The following DMD variants were observed in gnomAD, a reference collection of about 807,000 sequenced individuals.
DMD encodes the protein dystrophin.
In DMD, 63 loss-of-function variants were observed where a neutral mutation model predicts 330.1. That is an observed-to-expected ratio of 0.19 (90% CI 0.16 to 0.24). The LOEUF (loss-of-function observed/expected upper bound fraction) is 0.24, where lower values mean the gene tolerates loss of function less well. DMD is among the 10% of genes least tolerant of loss of function. The pLI, the probability that DMD is intolerant of heterozygous loss-of-function variation, is 1.00. For missense variants in DMD, 3,344 were observed against 2,684.1 expected, an observed-to-expected ratio of 1.25 and a Z score of -5.43; for synonymous variants, 1,223 against 959.8, an observed-to-expected ratio of 1.27 and a Z score of -5.07.
At chrX:31,834,405 C>T (rs2093144451) in intron 49 of DMD, among the ~76,000 whole-genome samples, 1 of 111,585 alleles carries the variant, frequency 9.0e-6, no homozygotes, top group Admixed American at 9.6e-5. Context: ...CCCCATAATT[C>T]TCAAATCATT....
At chrX:32,718,585 C>CT (rs2065955070) in intron 7 of DMD, among the ~76,000 whole-genome samples, 2 of 112,022 alleles carry the variant, frequency 1.8e-5, no homozygotes, top group South Asian at 7.4e-4. Context: ...TAGTAAGAAC[C>CT]TTTCTCAGGA....
At chrX:32,753,883 C>A (rs2071146759) in intron 7 of DMD, among the ~76,000 whole-genome samples, 1 of 111,317 alleles carries the variant, frequency 9.0e-6, no homozygotes, top group East Asian at 2.8e-4. Context: ...CATAACAAGC[C>A]ATTGAAAATA....
intron 50 of DMD, among the ~76,000 whole-genome samples, chrX:31,796,052 G>A (rs1373617335): frequency 8.9e-6 from 1 of 111,858 alleles, no homozygotes; most frequent in East Asian, 2.8e-4. Context: ...CCAAATCCAT[G>A]AACGGCCTTG....
chrX:32,794,594 C>CA (rs1450713300), intron 7 of DMD, among the ~76,000 whole-genome samples: 2 of 110,241 alleles, frequency 1.8e-5, no homozygotes, highest in African/African-American at 6.6e-5. Flanking sequence ...ATCTCAAAAA[C>CA]AAAAAACCAA....
At chrX:31,257,976 C>T (rs759913678) in intron 63 of DMD, among the ~76,000 whole-genome samples, 1 of 111,484 alleles carries the variant, frequency 9.0e-6, no homozygotes, top group South Asian at 3.8e-4. Context: ...AAGGATGTAG[C>T]CATATAACAA....
intron 9 of DMD, among the ~76,000 whole-genome samples, chrX:32,660,535 A>C (rs1012127615): frequency 9.0e-6 from 1 of 111,493 alleles, no homozygotes; most frequent in Admixed American, 9.6e-5. Context: ...AGAATATTTT[A>C]TAACTGACCT....
chrX:31,479,719 C>A (rs183799226), intron 57 of DMD, among the ~76,000 whole-genome samples: 6 of 112,227 alleles, frequency 5.3e-5, no homozygotes, highest in East Asian at 2.8e-4. Flanking sequence ...GTAGGAATTG[C>A]GGACACTAGT....
chrX:31,202,239 C>T (rs988170533), intron 67 of DMD, among the ~76,000 whole-genome samples: 1 of 111,525 alleles, frequency 9.0e-6, no homozygotes, highest in Non-Finnish European at 1.9e-5. Context: ...AAATAACTCG[C>T]GTTTATGGCA....
chrX:31,291,213 T>C (rs1037986987), intron 62 of DMD, among the ~76,000 whole-genome samples: 2 of 111,183 alleles, frequency 1.8e-5, no homozygotes, highest in Non-Finnish European at 1.9e-5. Context: ...AAATTTGGCA[T>C]GCACAAATGT....
At chrX:32,892,921 T>G (rs961985006) in intron 2 of DMD, among the ~76,000 whole-genome samples, 1 of 111,630 alleles carries the variant, frequency 9.0e-6, no homozygotes, top group Non-Finnish European at 1.9e-5. Context: ...GATGATGACT[T>G]TATCAGATAT....
chrX:31,444,548 C>T lies in DMD; in HGVS notation c.9017G>A (p.Gly3006Asp), dbSNP rs1426562530. The T allele has an allele frequency of 8.3e-7, 1 of 1,211,745 alleles. No individual in the cohort carries two copies. The highest frequency in any genetic ancestry group is 1.1e-6 in the Non-Finnish European group (1 of 895,442). Residue 3006 changes from glycine (G) to aspartate (D), a missense_variant, in exon 60 of 79, where the codon GGC becomes GAC. Coordinates refer to ENST00000357033, the MANE Select transcript of DMD (RefSeq NM_004006.3). ...NDLARQLTTL[G>D]IQLSPYNLST... The stretch of plus-strand genomic sequence containing the variant: ...GAGGTTATACGGTGAGAGCTGAATG[C>T]CCAAAGTGGTAAGCTGGCGAGCAAG...
At chrX:32,543,441 A>G (rs183377595) in intron 17 of DMD, among the ~76,000 whole-genome samples, 3 of 111,449 alleles carry the variant, frequency 2.7e-5, no homozygotes, top group African/African-American at 9.8e-5. Flanking sequence ...GTATTAGGCA[A>G]GTCCTGAAGA....
intron 44 of DMD, among the ~76,000 whole-genome samples, chrX:32,014,709 G>A (rs192972076): frequency 1.9e-4 from 21 of 111,929 alleles, no homozygotes; most frequent in African/African-American, 6.2e-4. Context: ...AGTAACACAC[G>A]AAGAACCCTG....
chrX:31,225,668 T>G (rs919014472), intron 63 of DMD, among the ~76,000 whole-genome samples: 1 of 111,830 alleles, frequency 8.9e-6, no homozygotes, highest in Non-Finnish European at 1.9e-5. Flanking sequence ...AAGATGCAGA[T>G]TTCCTAGGCC....
intron 15 of DMD, among the ~76,000 whole-genome samples, chrX:32,572,697 AT>A (rs904684148): frequency 1.2e-4 from 13 of 108,815 alleles, no homozygotes; most frequent in African/African-American, 3.7e-4. Flanking sequence ...ATAGGCTTTA[AT>A]TTTTTTTTGC....
chrX:32,605,175 C>T (rs2056583509), intron 12 of DMD, among the ~76,000 whole-genome samples: 1 of 111,051 alleles, frequency 9.0e-6, no homozygotes, highest in South Asian at 3.6e-4. Context: ...GTAACCAAAA[C>T]AGTATGGTAC....
chrX:31,882,112 A>G (rs768551334), intron 47 of DMD, among the ~76,000 whole-genome samples: 3 of 112,361 alleles, frequency 2.7e-5, no homozygotes, highest in South Asian at 3.6e-4. Context: ...TGCCAATCCT[A>G]AGATTTATAT....
At chrX:32,328,156 G>T (rs1569558025) in intron 41 of DMD, among the ~76,000 whole-genome samples, 1 of 111,301 alleles carries the variant, frequency 9.0e-6, no homozygotes, top group Non-Finnish European at 1.9e-5. Flanking sequence ...TTAAGTTTTT[G>T]ATCTTGATGC....
chrX:32,590,130 T>C (rs759015198), intron 13 of DMD, among the ~76,000 whole-genome samples: 4 of 112,369 alleles, frequency 3.6e-5, no homozygotes, highest in African/African-American at 1.3e-4. Flanking sequence ...ACAAATTGTT[T>C]AATGTCATCT....
Sources: allele counts gnomAD v4.1 joint callset (sites outside exome capture counted in the v4.1 genomes callset), GRCh38; gene constraint gnomAD v4.1.1; transcripts MANE v1.5; gene names NCBI Gene and HGNC (gene_info 2026-07-23, HGNC 2026-07-21).